PECAM1: variants seen among roughly 807,000 people sequenced by gnomAD.
The protein encoded by PECAM1 is platelet and endothelial cell adhesion molecule 1.
A neutral mutation model predicts 13.8 loss-of-function variants in PECAM1; 8 were observed. The observed-to-expected ratio is 0.58, with a 90% CI of 0.34 to 1.05. The LOEUF (loss-of-function observed/expected upper bound fraction) is 1.05. Among genes scored for constraint, PECAM1 ranks in the 50% least tolerant of loss-of-function variants. PECAM1 has a pLI of 0.03. For missense variants in PECAM1, 304 were observed against 141.2 expected, an observed-to-expected ratio of 2.15 and a Z score of -5.84; for synonymous variants, 136 against 52.6, an observed-to-expected ratio of 2.58 and a Z score of -6.86.
At chr17:64,375,865 C>T (rs1378305686) in intron 3 of PECAM1, among the ~76,000 whole-genome samples, 1 of 151,528 alleles carries the variant, frequency 6.6e-6, no homozygotes, top group African/African-American at 2.4e-5. Flanking sequence ...AAAATATGCT[C>T]AATGGGAGCT....
chr17:64,321,730 C>A lies in PECAM1; in HGVS notation c.*2086G>T. Reference sequence around the variant, plus strand: ...GAGCCATTGTTGTGCCACTGCACTCCAGCCTGGGCAACAGAGCAAGCCCCT... The same window carrying A: ...GAGCCATTGTTGTGCCACTGCACTCAAGCCTGGGCAACAGAGCAAGCCCCT... On this transcript the variant is annotated 3_prime_UTR_variant, in exon 16 of 16. Coordinates refer to ENST00000563924, the MANE Select transcript of PECAM1 (RefSeq NM_000442.5). The A allele has an allele frequency of 8.7e-7, 1 of 1,144,450 alleles. No individual in the cohort carries two copies. The allele number at this position is 1,144,450 out of a possible 1,614,324, so 70.9% of individuals were successfully genotyped here. A position where few individuals can be genotyped will look rare whatever the true frequency, so the allele number is the denominator to read the frequency against.
At chr17:64,336,243 G>T (rs2035272019) in intron 14 of PECAM1, among the ~76,000 whole-genome samples, 1 of 149,310 alleles carries the variant, frequency 6.7e-6, no homozygotes, top group Non-Finnish European at 1.5e-5. Context: ...TCCAGCCTGG[G>T]TGACAGAGCG....
At chr17:64,368,482 C>T (rs1198192281) in intron 5 of PECAM1, among the ~76,000 whole-genome samples, 3 of 152,064 alleles carry the variant, frequency 2.0e-5, no homozygotes, top group Admixed American at 6.6e-5. Context: ...ACCTCACAGT[C>T]TCAGTTTCCA....
Position 64,322,349 on chromosome 17 carries a change from G to A in PECAM1, c.*1467C>T. ...TGCAGTGAGCAGAGGTTGCGCCGCT[G>A]CAGTCCAGCCCGGGCAACAAGAGCG... On this transcript the variant is annotated 3_prime_UTR_variant, in exon 16 of 16. Transcript: ENST00000563924. 1 of 904,086 alleles carries A rather than the reference G, an allele frequency of 1.1e-6. No individual in the cohort carries two copies. Among genetic ancestry groups the A allele is most frequent in the Non-Finnish European group, 1.3e-6 (1 of 755,150 alleles). The allele number at this position is 904,086 out of a possible 1,614,324, so 56.0% of individuals were successfully genotyped here.
rs2143809989 is a variant in PECAM1 at position 64,360,445 on chromosome 17, G to T, written c.1217-30C>A. The T allele has an allele frequency of 1.3e-5, 6 of 473,742 alleles. No individual in the cohort carries two copies. The East Asian group carries it at 1.9e-4, about 15-fold the overall frequency. The allele number at this position is 473,742 out of a possible 1,614,324, so 29.3% of individuals were successfully genotyped here. A position where few individuals can be genotyped will look rare whatever the true frequency, so the allele number is the denominator to read the frequency against. ...AACAGAGGGAGAAACAATCCAAAAG[G>T]CACTGAAGGTAAAAGCAAAGCATCC... On this transcript the variant is annotated intron_variant, in intron 6 of 15. Coordinates refer to ENST00000563924, the MANE Select transcript of PECAM1 (RefSeq NM_000442.5).
chr17:64,341,262 T>C lies in PECAM1; in HGVS notation c.2164+372A>G, dbSNP rs1306419585. 8.4e-3 allele frequency among the ~76,000 whole-genome samples: 1,217 copies of C among 144,528 alleles called. 26 individuals are homozygous for C. Among genetic ancestry groups the C allele is most frequent in the African/African-American group, 0.03 (1,139 of 37,424 alleles). The allele number at this position is 144,528 out of a possible 152,430, so 94.8% of individuals were successfully genotyped here. On this transcript the variant is annotated intron_variant, in intron 14 of 15. Coordinates refer to ENST00000563924, the MANE Select transcript of PECAM1 (RefSeq NM_000442.5). Reference sequence around the variant, plus strand: ...CTGAGTGACAGAGCGAGACTCCATATCCAAAAAAAAAAAAGAGAAAAAAGA... The same window carrying C: ...CTGAGTGACAGAGCGAGACTCCATACCCAAAAAAAAAAAAGAGAAAAAAGA...
chr17:64,354,231 C>T (rs1312637570), intron 9 of PECAM1, among the ~76,000 whole-genome samples: 1 of 152,074 alleles, frequency 6.6e-6, no homozygotes, highest in African/African-American at 2.4e-5. Flanking sequence ...TGTGAGCCAC[C>T]GTGCCTGACC....
chr17:64,351,194 A>T (rs2035715635), intron 11 of PECAM1, among the ~76,000 whole-genome samples: 1 of 152,124 alleles, frequency 6.6e-6, no homozygotes, highest in South Asian at 2.1e-4. Context: ...ATAGTTTCTT[A>T]AACAATATAT....
intron 2 of PECAM1, among the ~76,000 whole-genome samples, chr17:64,378,360 A>G (rs1276578848): frequency 6.6e-6 from 1 of 152,150 alleles, no homozygotes; most frequent in Non-Finnish European, 1.5e-5. Flanking sequence ...AAAGATGTAG[A>G]GCTAGGTATG....
chr17:64,359,614 G>A (rs1298547824), intron 7 of PECAM1, among the ~76,000 whole-genome samples: 2 of 152,152 alleles, frequency 1.3e-5, no homozygotes, highest in Non-Finnish European at 2.9e-5. Context: ...TATTTTAGCA[G>A]TTTGTTGAAA....
intron 6 of PECAM1, among the ~76,000 whole-genome samples, chr17:64,361,766 AAAAAAAAAAGAT>A (rs1279806524): frequency 1.3e-5 from 2 of 150,964 alleles, no homozygotes; most frequent in Non-Finnish European, 3.0e-5. Flanking sequence ...AAAAAAAAAA[AAAAAAAAAAGAT>A]AAAAAAAGTC....
intron 11 of PECAM1, 64 bp downstream of exon 11, chr17:64,352,326 G>A (rs1234743339): frequency 1.3e-5 from 6 of 461,252 alleles, no homozygotes; most frequent in Admixed American, 3.4e-5. Flanking sequence ...CTGCTTCTGA[G>A]AGGGCTAAGG....
intron 5 of PECAM1, 114 bp downstream of exon 5, chr17:64,369,636 T>G (rs1001853795): frequency 2.3e-5 from 9 of 397,388 alleles, no homozygotes; most frequent in Non-Finnish European, 4.0e-5. Context: ...AGCACATTCA[T>G]TCAGATAAGC....
intron 13 of PECAM1, among the ~76,000 whole-genome samples, chr17:64,343,082 G>A (rs2035475016): frequency 6.6e-6 from 1 of 152,146 alleles, no homozygotes; most frequent in Non-Finnish European, 1.5e-5. Context: ...GCCTGATGTC[G>A]TGTGGGCCAC....
chr17:64,336,376 C>G (rs2035276423), intron 14 of PECAM1, among the ~76,000 whole-genome samples: 1 of 152,050 alleles, frequency 6.6e-6, no homozygotes, highest in Non-Finnish European at 1.5e-5. Flanking sequence ...TGAGAGAAGC[C>G]TAAGCGGGTG....
intron 2 of PECAM1, chr17:64,378,884 TATACA>T (rs1231832996): frequency 6.6e-6 from 1 of 152,194 alleles, no homozygotes; most frequent in Non-Finnish European, 1.5e-5. Context: ...CAGTGCCCGA[TATACA>T]TTAAGTGCTT....
chr17:64,384,334 C>G (rs1420725584), intron 2 of PECAM1, among the ~76,000 whole-genome samples: 1 of 152,070 alleles, frequency 6.6e-6, no homozygotes, highest in Non-Finnish European at 1.5e-5. Flanking sequence ...AAACAGTGAC[C>G]TAGTTTTTAC....
chr17:64,352,483 A>C lies in PECAM1; in HGVS notation c.1917-20T>G, dbSNP rs2035748263. ...GCTGGCCTTAAAATGAAATATAAAA[A>C]CAGAAAACAATATATAGATATATTT... is the stretch of plus-strand genomic sequence containing the variant. On this transcript the variant is annotated intron_variant, in intron 10 of 15. Transcript: ENST00000563924. The C allele has an allele frequency of 2.1e-6, 1 of 468,016 alleles. No individual in the cohort carries two copies. The highest frequency in any genetic ancestry group is 2.0e-5 in the African/African-American group (1 of 50,094). The allele number at this position is 468,016 out of a possible 1,614,324, so 29.0% of individuals were successfully genotyped here. A position where few individuals can be genotyped will look rare whatever the true frequency, so the allele number is the denominator to read the frequency against.
At chr17:64,388,591 G>A (rs1360880035) in intron 2 of PECAM1, among the ~76,000 whole-genome samples, 2 of 152,162 alleles carry the variant, frequency 1.3e-5, no homozygotes, top group African/African-American at 4.8e-5. Flanking sequence ...GACAAATGGT[G>A]CAGCTTCAGA....
Sources: allele counts gnomAD v4.1 joint callset (sites outside exome capture counted in the v4.1 genomes callset), GRCh38; gene constraint gnomAD v4.1.1; transcripts MANE v1.5; gene names NCBI Gene and HGNC (gene_info 2026-07-23, HGNC 2026-07-21).